C5orf34: variants seen among roughly 807,000 people sequenced by gnomAD.
C5orf34 encodes the protein chromosome 5 open reading frame 34, also known as uncharacterized protein C5orf34.
Under a neutral mutation model 78.4 loss-of-function variants are expected in C5orf34, and 73 were observed. The ratio of observed to expected loss-of-function variants is 0.93; its 90% CI spans 0.77 to 1.13. The LOEUF (loss-of-function observed/expected upper bound fraction) is 1.13, where lower values mean the gene tolerates loss of function less well. C5orf34 is among the 50% of genes most tolerant of loss of function. The probability of loss-of-function intolerance (pLI) is 0.00; values close to 1 mark genes in which losing one functional copy is unlikely to be tolerated. For synonymous variants in C5orf34, 251 were observed against 246.6 expected (o/e 1.02, Z -0.17); for missense variants, 730 against 732.7 (o/e 1.00, Z 0.04).
At position 43,506,065 on chromosome 5, in the gene C5orf34, G is replaced by A. The variant is rs1745972404; in HGVS notation, c.615C>T (p.Ser205=). Residue 205 remains serine, a synonymous_variant, in exon 4 of 13, where the codon TCC becomes TCT. Coordinates refer to ENST00000306862, the MANE Select transcript of C5orf34 (RefSeq NM_198566.4). ...ENEFHCQIMK[S]KETLKKMSCV... is the part of the protein sequence containing the mutation. ...AACTCATCTTCTTTAAAGTTTCTTT[G>A]GATTTCATGATCTGGCAATGAAACT... The A allele has an allele frequency of 1.2e-6, 2 of 1,613,908 alleles. No individual in the cohort carries two copies. The highest frequency in any genetic ancestry group is 1.7e-6 in the Non-Finnish European group (2 of 1,180,010).
Position 43,509,176 on chromosome 5 carries a change from T to G in C5orf34, c.164A>C (p.Gln55Pro). The G allele has an allele frequency of 1.2e-6, 2 of 1,613,558 alleles. No homozygotes were observed. Among genetic ancestry groups the G allele is most frequent in the Non-Finnish European group, 1.7e-6 (2 of 1,179,876 alleles). ...AGTGCTAATGACAAAATGTGTCCTT[T>G]GACGAATTCTTTCTGGTTGTTCTAA... ...HPLEQPERIR[Q>P]RTHFVISTYR... is the part of the protein sequence containing the mutation. The change falls in exon 2 of 13, where the codon CAA becomes CCA. Residue 55 changes from glutamine (Q) to proline (P), a missense_variant. Transcript: ENST00000306862.
At chr5:43,509,048 T>G in intron 2 of C5orf34, 97 bp downstream of exon 2, 102 of 898,832 alleles carry the variant, frequency 1.1e-4, no homozygotes, top group Non-Finnish European at 1.6e-4. Flanking sequence ...GAGGCTGCAG[T>G]GAGCTATGGT....
chr5:43,487,890 C>CA lies in C5orf34; in HGVS notation c.1720+18dup. On this transcript the variant is annotated intron_variant, in intron 12 of 12. Transcript: ENST00000306862. ...AAGAGAGTAATTATGTAGGACAGTG[C>CA]ATTCTGTTTAAAGGATACAGTTAAA... 6.3e-7 allele frequency: 1 copy of CA among 1,579,094 alleles called. No homozygotes were observed. Among genetic ancestry groups the CA allele is most frequent in the African/African-American group, 1.3e-5 (1 of 74,306 alleles).
intron 3 of C5orf34, 139 bp from the exon 4 acceptor site, chr5:43,506,533 G>A (rs182919299): frequency 7.7e-5 from 58 of 757,424 alleles, no homozygotes; most frequent in African/African-American, 6.8e-4. Flanking sequence ...AAAAAATGGA[G>A]GGCCAGATCT....
At chr5:43,491,576 A>G (rs1226920439) in intron 10 of C5orf34, among the ~76,000 whole-genome samples, 1 of 113,502 alleles carries the variant, frequency 8.8e-6, no homozygotes, top group South Asian at 2.4e-4. Flanking sequence ...TGTGGTTGCA[A>G]ATCTTATTTC....
At chr5:43,492,969 G>A in intron 8 of C5orf34, 79 bp from the exon 9 acceptor site, 2 of 921,698 alleles carry the variant, frequency 2.2e-6, no homozygotes, top group South Asian at 2.2e-5. Context: ...TGACTCTAGG[G>A]CAATTTTGGA....
chr5:43,494,518 C>G lies in C5orf34; in HGVS notation c.1236G>C (p.Gln412His), dbSNP rs369798820. 5.6e-6 allele frequency: 9 copies of G among 1,600,510 alleles called. No individual in the cohort carries two copies. Among genetic ancestry groups the G allele is most frequent in the African/African-American group, 1.3e-5 (1 of 74,682 alleles). The change falls in exon 7 of 13, where the codon CAG (glutamine) becomes CAC (histidine). Residue 412 changes from glutamine (Q) to histidine (H), a missense_variant. By Grantham distance (24) the Gln-to-His change is conservative (BLOSUM62 0). Transcript: ENST00000306862. ...SPFTVGSLIK[Q>H]ATRILQHCVK... is the part of the protein sequence containing the mutation. Reference sequence around the variant, plus strand: ...GAATGGGAAGAACTTACCTTGTTGCCTGTTTAATTAGAGAACCGACAGTGA... The same window carrying G: ...GAATGGGAAGAACTTACCTTGTTGCGTGTTTAATTAGAGAACCGACAGTGA...
intron 4 of C5orf34, among the ~76,000 whole-genome samples, chr5:43,505,145 T>C (rs1745926461): frequency 1.3e-5 from 2 of 152,254 alleles, no homozygotes; most frequent in Non-Finnish European, 2.9e-5. Flanking sequence ...TGATTTGCAC[T>C]GTTTATGCAA....
rs1482967123 is a variant in C5orf34 at position 43,515,136 on chromosome 5, A to G, written c.-367T>C. On this transcript the variant is annotated 5_prime_UTR_variant, in exon 1 of 13. Coordinates refer to ENST00000306862, the MANE Select transcript of C5orf34 (RefSeq NM_198566.4). The stretch of plus-strand genomic sequence containing the variant: ...ACCAGCGCCCTCAGGGAGCCGCTTC[A>G]GAGCTCCGCAACAGGGAAGACAGGA... The G allele has an allele frequency of 6.6e-6, 1 of 152,234 alleles. No homozygotes were observed. The highest frequency in any genetic ancestry group is 2.4e-5 in the African/African-American group (1 of 41,456). The allele number at this position is 152,234 out of a possible 1,614,324, so 9.4% of individuals were successfully genotyped here. A position where few individuals can be genotyped will look rare whatever the true frequency, so the allele number is the denominator to read the frequency against.
At chr5:43,511,455 G>A (rs1346531594) in intron 1 of C5orf34, among the ~76,000 whole-genome samples, 1 of 149,980 alleles carries the variant, frequency 6.7e-6, no homozygotes. Flanking sequence ...GGGAGGTGGG[G>A]GGCGCCTCTG....
intron 12 of C5orf34, among the ~76,000 whole-genome samples, chr5:43,487,522 GATT>G (rs1365541331): frequency 2.0e-5 from 3 of 152,054 alleles, no homozygotes; most frequent in Non-Finnish European, 4.4e-5. Flanking sequence ...ATTTGAATAA[GATT>G]AGAGAAAAAC....
intron 1 of C5orf34, chr5:43,514,405 G>GA (rs912121361): frequency 6.6e-6 from 1 of 152,098 alleles, no homozygotes; most frequent in Non-Finnish European, 1.5e-5. Flanking sequence ...TATTTTAGGG[G>GA]AAAAAACGGG....
intron 1 of C5orf34, among the ~76,000 whole-genome samples, chr5:43,512,242 A>G (rs2112342775): frequency 6.6e-6 from 1 of 152,300 alleles, no homozygotes; most frequent in Admixed American, 6.5e-5. Flanking sequence ...TTCCTTTCCA[A>G]CACTAACCCC....
In C5orf34 at chr5:43,492,300, C is replaced by T. The variant is rs1745317914; in HGVS notation, c.1495G>A (p.Gly499Ser). 2 of 1,595,608 alleles carry T rather than the reference C, an allele frequency of 1.3e-6. No homozygotes were observed. The highest frequency in any genetic ancestry group is 1.3e-5 in the African/African-American group (1 of 74,382). ...SPIEKRQVNQ[G>S]LNLGWCKLTF... is the part of the protein sequence containing the mutation. ...AACTTACACCAACCTAAGTTAAGAC[C>T]TTGATTTACCTGAAGAAGTAGAAAG... Residue 499 changes from glycine to serine, a missense_variant, in exon 10 of 13, where the codon GGT becomes AGT. By Grantham distance (56) the Gly-to-Ser change is moderately conservative. Coordinates refer to ENST00000306862, the MANE Select transcript of C5orf34 (RefSeq NM_198566.4).
At chr5:43,512,357 T>C (rs1481186192) in intron 1 of C5orf34, among the ~76,000 whole-genome samples, 2 of 152,252 alleles carry the variant, frequency 1.3e-5, no homozygotes, top group East Asian at 3.8e-4. Flanking sequence ...CCCTATTTCC[T>C]ACCTATAAAC....
chr5:43,495,359 T>A, intron 6 of C5orf34: 1 of 1,611,824 alleles, frequency 6.2e-7, no homozygotes. Context: ...GCATGCAATG[T>A]GAGCCGCGTG....
Position 43,492,912 on chromosome 5 carries a change from T to G in C5orf34, c.1315-22A>C, listed in dbSNP as rs150186169. ...GTACCTAAAACCAAGTAAATAAAAA[T>G]AGCAGGAAATAGAGTTATCTAAGAA... On this transcript the variant is annotated intron_variant, in intron 8 of 12. Coordinates refer to ENST00000306862, the MANE Select transcript of C5orf34 (RefSeq NM_198566.4). 81 of 1,507,648 alleles carry G rather than the reference T, an allele frequency of 5.4e-5. No individual in the cohort carries two copies. In the East Asian group the frequency reaches 1.9e-3, roughly 35 times the overall value. The allele number at this position is 1,507,648 out of a possible 1,614,324, so 93.4% of individuals were successfully genotyped here.
rs755617500 is a variant in C5orf34, at chr5:43,503,737, A to C, written c.956T>G (p.Leu319Ter). ...LHRWNFCDSL[L>*]QRQSDEYSYP... Reference sequence around the variant, plus strand: ...GGAATATTCATCAGATTGTCTCTGTAAAAGTGAATCACAAAAATTCCACCT... The same window carrying C: ...GGAATATTCATCAGATTGTCTCTGTCAAAGTGAATCACAAAAATTCCACCT... The change falls in exon 5 of 13, where the codon TTA becomes TGA. Residue 319 changes from leucine to a stop codon, truncating the protein, a stop_gained. Coordinates refer to ENST00000306862, the MANE Select transcript of C5orf34 (RefSeq NM_198566.4). LOFTEE classifies it high-confidence loss of function. The C allele has an allele frequency of 6.2e-7, 1 of 1,613,190 alleles. No homozygotes were observed. Among genetic ancestry groups the C allele is most frequent in the Admixed American group, 1.7e-5 (1 of 60,020 alleles).
Position 43,494,490 on chromosome 5 carries a change from A to G in C5orf34, c.1244+20T>C, listed in dbSNP as rs760651416. The G allele has an allele frequency of 1.3e-6, 2 of 1,512,540 alleles. No individual in the cohort carries two copies. The highest frequency in any genetic ancestry group is 3.4e-5 in the Admixed American group (2 of 58,818). The allele number at this position is 1,512,540 out of a possible 1,614,324, so 93.7% of individuals were successfully genotyped here. On this transcript the variant is annotated intron_variant, in intron 7 of 12. Transcript: ENST00000306862. ...GTTTAGACACATAACATTTGATTCA[A>G]TTGAATGGGAAGAACTTACCTTGTT...
Sources: allele counts gnomAD v4.1 joint callset (sites outside exome capture counted in the v4.1 genomes callset), GRCh38; gene constraint gnomAD v4.1.1; transcripts MANE v1.5; gene names NCBI Gene and HGNC (gene_info 2026-07-23, HGNC 2026-07-21).